The following BMPER variants were observed in gnomAD, a reference collection of about 807,000 sequenced individuals.
BMPER encodes the protein BMP-binding endothelial regulator protein.
A neutral mutation model predicts 87.3 loss-of-function variants in BMPER; 45 were observed. The observed-to-expected ratio is 0.52, with a 90% CI of 0.41 to 0.66. BMPER has a LOEUF of 0.66. Ranked by LOEUF, BMPER falls within the 30% of genes least tolerant of loss-of-function variation. The pLI is 0.00. For synonymous variants in BMPER, 326 were observed against 316.2 expected (o/e 1.03, Z -0.33); for missense variants, 784 against 867.5 (o/e 0.90, Z 1.21).
intron 2 of BMPER, chr7:33,922,157 T>A (rs1784248714): frequency 4.8e-6 from 1 of 209,274 alleles, no homozygotes; most frequent in South Asian, 7.1e-5. Flanking sequence ...TCTGGTCATG[T>A]TGCTGGACAG....
rs770234257 is a variant in BMPER, at chr7:34,058,117, C to T, written c.986C>T (p.Thr329Met). The T allele has an allele frequency of 4.3e-5, 70 of 1,614,012 alleles. No homozygotes were observed. The highest frequency in any genetic ancestry group is 3.1e-5 in the Non-Finnish European group (37 of 1,180,012). The change falls in exon 10 of 15, where the codon ACG (threonine) becomes ATG (methionine). Residue 329 changes from threonine to methionine, a missense_variant. Physicochemically the swap from Thr to Met is moderately conservative, Grantham distance 81. Coordinates refer to ENST00000649409, the MANE Select transcript of BMPER (RefSeq NM_001365308.1). ...ATCTGTGCTTGTGTGAAAGGCAGGA[C>T]GGAGTGTCGCAATAAGCAGTGCATT... ...CTICACVKGR[T>M]ECRNKQCIPI... is the part of the protein sequence containing the mutation.
intron 3 of BMPER, among the ~76,000 whole-genome samples, chr7:33,955,177 G>A (rs763004499): frequency 1.3e-4 from 20 of 152,194 alleles, no homozygotes; most frequent in Admixed American, 3.9e-4. Flanking sequence ...GATTACAGGC[G>A]TAAGCCACTG....
intron 6 of BMPER, among the ~76,000 whole-genome samples, chr7:33,994,235 A>G (rs904792721): frequency 1.3e-5 from 2 of 152,166 alleles, no homozygotes; most frequent in Admixed American, 6.5e-5. Context: ...GCCGCCTTGC[A>G]GTGTGATCTC....
chr7:34,091,202 T>A (rs1789370777), intron 13 of BMPER, among the ~76,000 whole-genome samples: 1 of 152,206 alleles, frequency 6.6e-6, no homozygotes, highest in Non-Finnish European at 1.5e-5. Context: ...TGATCACTTA[T>A]TATAAAGCAA....
At chr7:34,120,491 C>T (rs918437159) in intron 13 of BMPER, among the ~76,000 whole-genome samples, 1 of 152,148 alleles carries the variant, frequency 6.6e-6, no homozygotes, top group Non-Finnish European at 1.5e-5. Flanking sequence ...CTCCTCCTCC[C>T]GGGTTCAAGC....
At chr7:34,081,053 C>A (rs376744332) in intron 12 of BMPER, among the ~76,000 whole-genome samples, 1 of 151,988 alleles carries the variant, frequency 6.6e-6, no homozygotes, top group African/African-American at 2.4e-5. Flanking sequence ...GAACTCAATA[C>A]CCAGCTGAAC....
intron 6 of BMPER, among the ~76,000 whole-genome samples, chr7:33,995,502 T>A (rs1191378261): frequency 6.6e-6 from 1 of 152,186 alleles, no homozygotes; most frequent in East Asian, 1.9e-4. Flanking sequence ...ACCTTATATT[T>A]CTATGCTTGT....
intron 6 of BMPER, among the ~76,000 whole-genome samples, chr7:34,037,979 A>G (rs1404589784): frequency 6.6e-6 from 1 of 152,202 alleles, no homozygotes; most frequent in East Asian, 1.9e-4. Flanking sequence ...TTGTAGTCAC[A>G]TTAGGCCTGA....
intron 2 of BMPER, among the ~76,000 whole-genome samples, chr7:33,926,659 T>C (rs1256862525): frequency 1.3e-5 from 2 of 152,236 alleles, no homozygotes; most frequent in South Asian, 2.1e-4. Context: ...TTTTCTGACA[T>C]CTGCATGTGA....
intron 6 of BMPER, among the ~76,000 whole-genome samples, chr7:34,025,561 G>T (rs1787336876): frequency 6.6e-6 from 1 of 152,048 alleles, no homozygotes; most frequent in Non-Finnish European, 1.5e-5. Flanking sequence ...CTACCCTTTA[G>T]TCTGTGATTT....
chr7:33,967,287 G>C (rs1275491801), intron 4 of BMPER, among the ~76,000 whole-genome samples: 1 of 152,168 alleles, frequency 6.6e-6, no homozygotes, highest in East Asian at 1.9e-4. Context: ...CTTCTTCGTA[G>C]AAAAGGTGCT....
chr7:33,928,879 A>G (rs979792533), intron 2 of BMPER, among the ~76,000 whole-genome samples: 2 of 152,110 alleles, frequency 1.3e-5, no homozygotes, highest in African/African-American at 2.4e-5. Context: ...TCATCAGAAC[A>G]TCGTCTTTGT....
At chr7:33,927,234 G>A (rs577989350) in intron 2 of BMPER, among the ~76,000 whole-genome samples, 1 of 152,302 alleles carries the variant, frequency 6.6e-6, no homozygotes, top group Admixed American at 6.5e-5. Flanking sequence ...GGGGCAATCT[G>A]TGAAAAATCT....
chr7:34,026,899 G>C (rs1787371710), intron 6 of BMPER, among the ~76,000 whole-genome samples: 1 of 152,038 alleles, frequency 6.6e-6, no homozygotes, highest in Admixed American at 6.6e-5. Flanking sequence ...ATGTTTTCTG[G>C]CTTTGATGGC....
chr7:34,108,258 C>T (rs956048979), intron 13 of BMPER, among the ~76,000 whole-genome samples: 3 of 152,110 alleles, frequency 2.0e-5, no homozygotes, highest in South Asian at 2.1e-4. Flanking sequence ...GGGGGTTGTA[C>T]ACTTCTGTTT....
chr7:34,094,780 C>T (rs947898369), intron 13 of BMPER, among the ~76,000 whole-genome samples: 1 of 152,180 alleles, frequency 6.6e-6, no homozygotes, highest in Non-Finnish European at 1.5e-5. Flanking sequence ...ATCAGTCATT[C>T]CAGATAAGGC....
At chr7:34,138,772 A>AAGG (rs1251231331) in intron 13 of BMPER, among the ~76,000 whole-genome samples, 2 of 152,194 alleles carry the variant, frequency 1.3e-5, no homozygotes, top group South Asian at 2.1e-4. Flanking sequence ...AGAGTAATGC[A>AAGG]ACCTGTGTTT....
intron 3 of BMPER, among the ~76,000 whole-genome samples, chr7:33,954,959 G>A (rs375190335): frequency 1.3e-5 from 2 of 152,116 alleles, no homozygotes; most frequent in African/African-American, 2.4e-5. Context: ...GTGCAATGGC[G>A]TGATCTTGGC....
intron 8 of BMPER, among the ~76,000 whole-genome samples, chr7:34,054,550 A>T (rs1247507563): frequency 6.6e-6 from 1 of 152,178 alleles, no homozygotes; most frequent in Non-Finnish European, 1.5e-5. Flanking sequence ...CTTACAGATG[A>T]TACAAACTCT....
Sources: allele counts gnomAD v4.1 joint callset (sites outside exome capture counted in the v4.1 genomes callset), GRCh38; gene constraint gnomAD v4.1.1; transcripts MANE v1.5; gene names NCBI Gene and HGNC (gene_info 2026-07-23, HGNC 2026-07-21).